Variants in AFG3L2 observed in about 807,000 individuals in gnomAD.
AFG3L2 encodes AFG3 like matrix AAA peptidase subunit 2.
Under a neutral mutation model 94.5 loss-of-function variants are expected in AFG3L2, and 54 were observed. The ratio of observed to expected loss-of-function variants is 0.57; its 90% CI spans 0.46 to 0.72. AFG3L2 has a LOEUF of 0.72. Among genes scored for constraint, AFG3L2 ranks in the 30% least tolerant of loss-of-function variants. The pLI is 0.00. For synonymous variants in AFG3L2, 377 were observed against 365.5 expected (o/e 1.03, Z -0.36); for missense variants, 754 against 994.9 (o/e 0.76, Z 3.26).
At chr18:12,342,493 G>A (rs963403110) in intron 14 of AFG3L2, 2 of 152,090 alleles carry the variant, frequency 1.3e-5, no homozygotes, top group African/African-American at 4.8e-5. Flanking sequence ...GGAGGGCGTG[G>A]CTTGCCTTTT....
chr18:12,353,227 T>C, intron 9 of AFG3L2, 69 bp from the exon 10 acceptor site: 1 of 1,587,424 alleles, frequency 6.3e-7, no homozygotes, highest in Non-Finnish European at 8.6e-7. Flanking sequence ...AGAAATGAAA[T>C]AAATCGGCCG....
chr18:12,348,455 C>A (rs1258614797), intron 12 of AFG3L2, 72 bp from the exon 13 acceptor site: 3 of 1,127,228 alleles, frequency 2.7e-6, no homozygotes, highest in East Asian at 4.7e-5. Flanking sequence ...ATATGGACAG[C>A]CAAATCCATA....
intron 1 of AFG3L2, among the ~76,000 whole-genome samples, chr18:12,375,502 C>CTTGAGT (rs1909126340): frequency 6.6e-6 from 1 of 151,878 alleles, no homozygotes. Context: ...GGGAGGATCG[C>CTTGAGT]CTGGGTCCTG....
At chr18:12,371,723 T>A in intron 1 of AFG3L2, 32 bp from the exon 2 acceptor site, 1 of 1,577,468 alleles carries the variant, frequency 6.3e-7, no homozygotes, top group East Asian at 2.3e-5. Flanking sequence ...AAACCATAGT[T>A]ATATCAAGAT....
chr18:12,352,963 A>AACAAAAGTGCAGTTAAAGAT, intron 10 of AFG3L2, 42 bp downstream of exon 10: 1 of 1,610,742 alleles, frequency 6.2e-7, no homozygotes, highest in Non-Finnish European at 8.5e-7. Context: ...CAAAAAAAAA[A>AACAAAAGTGCAGTTAAAGAT]ACAAAAGTGC....
At chr18:12,360,841 C>CA (rs1226840782) in intron 6 of AFG3L2, among the ~76,000 whole-genome samples, 1 of 152,192 alleles carries the variant, frequency 6.6e-6, no homozygotes, top group Non-Finnish European at 1.5e-5. Context: ...TGAACCCAGA[C>CA]AGTCTGGCTC....
chr18:12,371,935 T>C (rs1023402906), intron 1 of AFG3L2, among the ~76,000 whole-genome samples: 2 of 152,176 alleles, frequency 1.3e-5, no homozygotes, highest in African/African-American at 2.4e-5. Context: ...TCAGACATAA[T>C]GTAGAATTGC....
chr18:12,332,932 C>CTATGTAATATATAATATATATTA (rs1907586622), intron 16 of AFG3L2, among the ~76,000 whole-genome samples: 1 of 113,046 alleles, frequency 8.8e-6, no homozygotes, highest in African/African-American at 3.4e-5. Context: ...ATAACATATA[C>CTATGTAATATATAATATATATTA]TATATAACAT....
intron 16 of AFG3L2, among the ~76,000 whole-genome samples, chr18:12,330,869 C>T (rs542518645): frequency 6.6e-6 from 1 of 152,116 alleles, no homozygotes; most frequent in East Asian, 1.9e-4. Flanking sequence ...GGAACTTAAC[C>T]TAGAGGCATT....
chr18:12,357,694 T>C (rs1303424526), intron 8 of AFG3L2, among the ~76,000 whole-genome samples: 3 of 152,070 alleles, frequency 2.0e-5, no homozygotes, highest in East Asian at 3.9e-4. Flanking sequence ...ACCTCCCAGG[T>C]TGAAGCGATT....
intron 16 of AFG3L2, among the ~76,000 whole-genome samples, chr18:12,334,426 T>G (rs1304731289): frequency 6.6e-6 from 1 of 152,230 alleles, no homozygotes; most frequent in Non-Finnish European, 1.5e-5. Flanking sequence ...TCATCTGGAC[T>G]GGGCTCTTCT....
intron 16 of AFG3L2, among the ~76,000 whole-genome samples, chr18:12,333,370 T>TC (rs746184381): frequency 7.5e-6 from 1 of 132,620 alleles, no homozygotes; most frequent in East Asian, 2.1e-4. Flanking sequence ...ATATATTTTT[T>TC]CCCCCTGAAA....
intron 13 of AFG3L2, among the ~76,000 whole-genome samples, chr18:12,347,474 G>A (rs548249184): frequency 6.6e-6 from 1 of 152,132 alleles, no homozygotes; most frequent in African/African-American, 2.4e-5. Context: ...AACGCACTGT[G>A]TGCGCTCCCC....
chr18:12,377,120 C>A lies in AFG3L2; in HGVS notation c.-38G>T. On this transcript the variant is annotated 5_prime_UTR_variant, in exon 1 of 17. Transcript: ENST00000269143. ...GGCCCTCTCGGCCCGGGACGCTGCG[C>A]AGGCGCGGGCAGGCGACGACTGGCG... The A allele has an allele frequency of 7.6e-7, 1 of 1,321,936 alleles. No homozygotes were observed. Among genetic ancestry groups the A allele is most frequent in the South Asian group, 1.6e-5 (1 of 64,058 alleles). 81.9% of individuals were successfully genotyped at this position (1,321,936 alleles called of 1,614,324 possible). A position where few individuals can be genotyped will look rare whatever the true frequency, so the allele number is the denominator to read the frequency against.
chr18:12,332,365 C>T (rs1907560988), intron 16 of AFG3L2, among the ~76,000 whole-genome samples: 1 of 152,006 alleles, frequency 6.6e-6, no homozygotes, highest in African/African-American at 2.4e-5. Context: ...CCTCAAAGTA[C>T]TGGGATTACA....
intron 14 of AFG3L2, 119 bp downstream of exon 14, chr18:12,344,013 G>A (rs917762143): frequency 1.1e-6 from 1 of 882,208 alleles, no homozygotes; most frequent in Admixed American, 1.9e-5. Flanking sequence ...GTTACCAGAA[G>A]TTTTGGCTAA....
At chr18:12,336,459 T>G (rs977930140) in intron 16 of AFG3L2, among the ~76,000 whole-genome samples, 1 of 152,168 alleles carries the variant, frequency 6.6e-6, no homozygotes, top group African/African-American at 2.4e-5. Flanking sequence ...CCAGCCAGCA[T>G]TCCTCACTCC....
At chr18:12,330,707 G>A (rs1030210733) in intron 16 of AFG3L2, among the ~76,000 whole-genome samples, 5 of 152,008 alleles carry the variant, frequency 3.3e-5, no homozygotes, top group African/African-American at 1.2e-4. Context: ...GAACCCAGGA[G>A]GCAGAGGTTG....
At chr18:12,368,123 C>T (rs1359868292) in intron 3 of AFG3L2, among the ~76,000 whole-genome samples, 16 of 151,692 alleles carry the variant, frequency 1.1e-4, no homozygotes, top group Admixed American at 1.1e-3. Flanking sequence ...GCCAAGATCA[C>T]GCCATTGCAC....
Sources: gnomAD v4.1 joint callset for allele counts (sites outside exome capture counted in the v4.1 genomes callset) on GRCh38, gnomAD v4.1.1 for gene constraint, MANE v1.5 for transcripts, NCBI Gene and HGNC (gene_info 2026-07-23, HGNC 2026-07-21) for gene names.